Variants in MARVELD1 observed in about 807,000 individuals in gnomAD.
MARVELD1 encodes the protein MARVEL domain-containing protein 1.
A neutral mutation model predicts 11.3 loss-of-function variants in MARVELD1; 7 were observed. The observed-to-expected ratio is 0.62, with a 90% CI of 0.35 to 1.16. The LOEUF is 1.16. Among genes scored for constraint, MARVELD1 ranks in the 50% most tolerant of loss-of-function variants. The pLI is 0.02. For synonymous variants in MARVELD1, 119 were observed against 121.4 expected (o/e 0.98, Z 0.13); for missense variants, 216 against 243.8 (o/e 0.89, Z 0.76).
intron 1 of MARVELD1, among the ~76,000 whole-genome samples, chr10:97,716,273 C>T (rs1033980320): frequency 2.6e-5 from 4 of 152,188 alleles, no homozygotes; most frequent in African/African-American, 9.7e-5. Flanking sequence ...CAGTCTCGAC[C>T]TCCCAGACTG....
rs1477962347 is a variant in MARVELD1 at position 97,717,675 on chromosome 10, C to T, written c.*2069C>T. The T allele has an allele frequency of 1.3e-5, 2 of 152,394 alleles. No homozygotes were observed. Among genetic ancestry groups the T allele is most frequent in the African/African-American group, 2.4e-5 (1 of 41,474 alleles). The allele number at this position is 152,394 out of a possible 1,614,324, so 9.4% of individuals were successfully genotyped here. ...GACCTTACTCAGGAGCAGATATCTCCTTGGCCGCCATGGAGCCTCATCCAT... is the reference window on the plus strand; with the variant it reads ...GACCTTACTCAGGAGCAGATATCTCTTTGGCCGCCATGGAGCCTCATCCAT... On this transcript the variant is annotated 3_prime_UTR_variant, in exon 2 of 2. Coordinates refer to ENST00000285605, the MANE Select transcript of MARVELD1 (RefSeq NM_031484.4).
Sources: allele counts gnomAD v4.1 joint callset (sites outside exome capture counted in the v4.1 genomes callset), GRCh38; gene constraint gnomAD v4.1.1; transcripts MANE v1.5; gene names NCBI Gene and HGNC (gene_info 2026-07-23, HGNC 2026-07-21).